The following MPP3 variants were observed in gnomAD, a reference collection of about 807,000 sequenced individuals.
MPP3 encodes the protein MAGUK p55 scaffold protein 3, also known as MAGUK p55 subfamily member 3.
Under a neutral mutation model 80.7 loss-of-function variants are expected in MPP3, and 48 were observed. The observed-to-expected ratio is 0.59, with a 90% CI of 0.47 to 0.76. The LOEUF (loss-of-function observed/expected upper bound fraction) is 0.76, where lower values mean the gene tolerates loss of function less well. Among genes scored for constraint, MPP3 ranks in the 30% least tolerant of loss-of-function variants. MPP3 has a pLI of 0.00. For synonymous variants in MPP3, 311 were observed against 297.6 expected, an observed-to-expected ratio of 1.04 and a Z score of -0.46; for missense variants, 620 against 763.0, an observed-to-expected ratio of 0.81 and a Z score of 2.21.
intron 19 of MPP3, 108 bp from the exon 20 acceptor site, chr17:43,801,985 G>A: frequency 9.0e-7 from 1 of 1,110,564 alleles, no homozygotes; most frequent in Non-Finnish European, 1.3e-6. Context: ...AGTGATGAGT[G>A]GATGACTAGG....
chr17:43,809,106 A>G (rs746101518), intron 18 of MPP3, 28 bp from the exon 19 acceptor site: 3 of 1,568,908 alleles, frequency 1.9e-6, no homozygotes, highest in African/African-American at 2.8e-5. Context: ...GGAATATTAT[A>G]TACTTTTGAA....
intron 2 of MPP3, chr17:43,832,358 A>T (rs1383779615): frequency 4.6e-6 from 1 of 215,320 alleles, no homozygotes; most frequent in East Asian, 1.8e-4. Flanking sequence ...CGCCCCCTCC[A>T]CTGCAACCTT....
intron 16 of MPP3, among the ~76,000 whole-genome samples, chr17:43,811,969 G>A (rs2044883724): frequency 6.6e-6 from 1 of 151,994 alleles, no homozygotes; most frequent in African/African-American, 2.4e-5. Context: ...TTTATTTTTT[G>A]AGAGCAAAGG....
chr17:43,812,966 TGGGCCCAG>T (rs370954233), intron 16 of MPP3, among the ~76,000 whole-genome samples: 2 of 152,168 alleles, frequency 1.3e-5, no homozygotes, highest in East Asian at 3.9e-4. Context: ...GACTAGACGC[TGGGCCCAG>T]GGGCCCAGGG....
At chr17:43,827,710 C>A in intron 8 of MPP3, 41 bp downstream of exon 8, 1 of 1,595,042 alleles carries the variant, frequency 6.3e-7, no homozygotes, top group South Asian at 1.1e-5. Context: ...GAACAATGGC[C>A]ATGATCGGGG....
chr17:43,830,114 A>C lies in MPP3; in HGVS notation c.223-7T>G, dbSNP rs2045896572. The C allele has an allele frequency of 2.6e-6, 4 of 1,523,806 alleles. No individual in the cohort carries two copies. Among genetic ancestry groups the C allele is most frequent in the Non-Finnish European group, 3.5e-6 (4 of 1,136,192 alleles). The allele number at this position is 1,523,806 out of a possible 1,614,324, so 94.4% of individuals were successfully genotyped here. On this transcript the variant is annotated splice_polypyrimidine_tract_variant and splice_region_variant and intron_variant, in intron 5 of 19. Transcript: ENST00000398389. Reference sequence around the variant, plus strand: ...CCTGCAACTCCTCCATCACCTGCAGAGAATGAGACAGGCGCCACTGATGGC... The same window carrying C: ...CCTGCAACTCCTCCATCACCTGCAGCGAATGAGACAGGCGCCACTGATGGC...
Position 43,823,982 on chromosome 17 carries a change from G to A in MPP3, c.633C>T (p.Thr211=). 2 of 1,607,838 alleles carry A rather than the reference G, an allele frequency of 1.2e-6. No individual in the cohort carries two copies. The highest frequency in any genetic ancestry group is 1.1e-5 in the South Asian group (1 of 89,848). ...CCTGGGTGGCTGGGATGATTTTTAG[G>A]GTGATGGATCCCTGGGACTGGGCCT... ...QILAQSQGSI[T]LKIIPATQEE... is the part of the protein sequence containing the mutation. Residue 211 remains threonine (T), a synonymous_variant, in exon 10 of 20, where the codon ACC becomes ACT. Coordinates refer to ENST00000398389, the MANE Select transcript of MPP3 (RefSeq NM_001932.6).
At chr17:43,819,062 C>G (rs1377071969) in intron 11 of MPP3, 1 of 152,184 alleles carries the variant, frequency 6.6e-6, no homozygotes, top group Non-Finnish European at 1.5e-5. Flanking sequence ...CGTTCTCAGA[C>G]TTCGGCATCT....
At position 43,801,496 on chromosome 17, in the gene MPP3, C is replaced by G; in HGVS notation, c.*205G>C. Reference sequence around the variant, plus strand: ...GTGTTGTTTTCTGATATGCCCCTTTCAAATCATGATCCAAAGAGGTGCAGT... The same window carrying G: ...GTGTTGTTTTCTGATATGCCCCTTTGAAATCATGATCCAAAGAGGTGCAGT... On this transcript the variant is annotated 3_prime_UTR_variant, in exon 20 of 20. Coordinates refer to ENST00000398389, the MANE Select transcript of MPP3 (RefSeq NM_001932.6). 1 of 555,136 alleles carries G rather than the reference C, an allele frequency of 1.8e-6. No homozygotes were observed. The highest frequency in any genetic ancestry group is 3.2e-6 in the Non-Finnish European group (1 of 317,182). 34.4% of individuals were successfully genotyped at this position (555,136 alleles called of 1,614,324 possible). A position where few individuals can be genotyped will look rare whatever the true frequency, so the allele number is the denominator to read the frequency against.
chr17:43,807,612 C>T (rs893394963), intron 19 of MPP3, among the ~76,000 whole-genome samples: 1 of 152,038 alleles, frequency 6.6e-6, no homozygotes, highest in African/African-American at 2.4e-5. Flanking sequence ...AGCCACCGTA[C>T]CTGGCCAAGG....
Position 43,831,303 on chromosome 17 carries a change from A to T in MPP3, c.163T>A (p.Tyr55Asn), listed in dbSNP as rs760163809. 3 of 1,614,058 alleles carry T rather than the reference A, an allele frequency of 1.9e-6. No homozygotes were observed. The highest frequency in any genetic ancestry group is 2.2e-5 in the South Asian group (2 of 91,086). The change falls in exon 5 of 20, where the codon TAT becomes AAT. Residue 55 changes from tyrosine to asparagine, a missense_variant. Transcript: ENST00000398389. ...YLMKIHEKLR[Y>N]YERQSPTPVL... ...GGGGTTGGACTTTGCCTTTCATAAT[A>T]GCGAAGCTTCTCATGAATCTGCAAA... is the stretch of plus-strand genomic sequence containing the variant.
intron 13 of MPP3, among the ~76,000 whole-genome samples, chr17:43,816,373 C>G (rs1451463766): frequency 2.0e-5 from 3 of 152,236 alleles, no homozygotes; most frequent in Non-Finnish European, 4.4e-5. Context: ...TTCACTCCAG[C>G]CTGCCCTGCC....
At chr17:43,812,619 A>G (rs2044916896) in intron 16 of MPP3, among the ~76,000 whole-genome samples, 1 of 152,172 alleles carries the variant, frequency 6.6e-6, no homozygotes, top group South Asian at 2.1e-4. Flanking sequence ...AACCCAGCAT[A>G]AAAGTCACTG....
intron 5 of MPP3, among the ~76,000 whole-genome samples, chr17:43,830,886 G>T (rs910212454): frequency 2.6e-5 from 4 of 152,232 alleles, no homozygotes; most frequent in African/African-American, 4.8e-5. Context: ...GGAAAGCACA[G>T]ACATAATGTC....
chr17:43,814,337 A>G lies in MPP3; in HGVS notation c.1034T>C (p.Leu345Pro). ...YVAGLRRSFR[L>P]GCRERLGGSQ... Reference sequence around the variant, plus strand: ...GCCACCCAGTCTCTCCCTACAGCCCAGCCGGAAGCTCCTCCGAAGACCAGC... The same window carrying G: ...GCCACCCAGTCTCTCCCTACAGCCCGGCCGGAAGCTCCTCCGAAGACCAGC... The change falls in exon 15 of 20, where the codon CTG (leucine) becomes CCG (proline). Residue 345 changes from leucine to proline, a missense_variant. Leu to Pro is a moderately conservative substitution (Grantham distance 98, BLOSUM62 -3). Coordinates refer to ENST00000398389, the MANE Select transcript of MPP3 (RefSeq NM_001932.6). 1.9e-6 allele frequency: 3 copies of G among 1,606,760 alleles called. No homozygotes were observed. The highest frequency in any genetic ancestry group is 2.5e-6 in the Non-Finnish European group (3 of 1,179,046).
rs748963925 is a variant in MPP3 at position 43,831,687 on chromosome 17, G to A, written c.26-10C>T. 3 of 1,597,748 alleles carry A rather than the reference G, an allele frequency of 1.9e-6. No individual in the cohort carries two copies. In the East Asian group the frequency reaches 6.7e-5, roughly 36 times the overall value. The stretch of plus-strand genomic sequence containing the variant: ...AGGGTTTCATGCAAACCTGGGGAGA[G>A]GTGAGAAAAACAAAGGATAGCAAAC... On this transcript the variant is annotated splice_polypyrimidine_tract_variant and intron_variant, in intron 3 of 19. Transcript: ENST00000398389.
rs555649430 is a variant in MPP3 at position 43,821,015 on chromosome 17, C to G, written c.728G>C (p.Arg243Pro). The part of the protein sequence containing the change: ...ALFHYNPRED[R>P]AIPCQEAGLP... ...GCCCGCCTCCTGGCAAGGGATGGCC[C>G]GGTCCTCCCGAGGGTTGTAGTGGAA... The change falls in exon 11 of 20, where the codon CGG becomes CCG. Residue 243 changes from arginine to proline, a missense_variant. Arg to Pro is a moderately radical substitution (Grantham distance 103). Transcript: ENST00000398389. The G allele has an allele frequency of 3.7e-6, 6 of 1,614,034 alleles. No homozygotes were observed. The highest frequency in any genetic ancestry group is 2.2e-5 in the East Asian group (1 of 44,886).
chr17:43,828,973 T>G (rs890003991), intron 7 of MPP3, among the ~76,000 whole-genome samples: 5 of 152,018 alleles, frequency 3.3e-5, no homozygotes, highest in Non-Finnish European at 5.9e-5. Context: ...CGGAGGTCAT[T>G]TGGGGAAAGT....
At chr17:43,819,973 G>T (rs1208789919) in intron 11 of MPP3, among the ~76,000 whole-genome samples, 1 of 151,860 alleles carries the variant, frequency 6.6e-6, no homozygotes, top group Non-Finnish European at 1.5e-5. Context: ...TTGAGTCAGG[G>T]TCTCACTCTT....
Sources: allele counts gnomAD v4.1 joint callset (sites outside exome capture counted in the v4.1 genomes callset), GRCh38; gene constraint gnomAD v4.1.1; transcripts MANE v1.5; gene names NCBI Gene and HGNC (gene_info 2026-07-23, HGNC 2026-07-21).